Variants in OPRD1 observed in about 807,000 individuals in gnomAD.
The protein encoded by OPRD1 is opioid receptor delta 1.
In OPRD1, 19 loss-of-function variants were observed where a neutral mutation model predicts 17.5. The ratio of observed to expected loss-of-function variants is 1.09; its 90% CI spans 0.76 to 1.60. The LOEUF is 1.60. Among genes scored for constraint, OPRD1 ranks in the 40% most tolerant of loss-of-function variants. The pLI, the probability that OPRD1 is intolerant of heterozygous loss-of-function variation, is 0.00. For missense variants in OPRD1, 483 were observed against 547.2 expected (o/e 0.88, Z 1.17); for synonymous variants, 256 against 240.9 (o/e 1.06, Z -0.58).
In OPRD1 at chr1:28,859,092, G is replaced by A. The variant is rs2089086227; in HGVS notation, c.366G>A (p.Lys122=). Residue 122 remains lysine, a synonymous_variant, in exon 2 of 3, where the codon AAG becomes AAA. Coordinates refer to ENST00000234961, the MANE Select transcript of OPRD1 (RefSeq NM_000911.4). ...GGCCCTTCGGCGAGCTGCTCTGCAAGGCTGTGCTCTCCATCGACTACTACA... is the reference window on the plus strand; with the variant it reads ...GGCCCTTCGGCGAGCTGCTCTGCAAAGCTGTGCTCTCCATCGACTACTACA... The part of the protein sequence containing the change: ...ETWPFGELLC[K]AVLSIDYYNM... 1.9e-6 allele frequency: 3 copies of A among 1,614,240 alleles called. No homozygotes were observed. The highest frequency in any genetic ancestry group is 2.5e-6 in the Non-Finnish European group (3 of 1,180,050).
rs376718739 is a variant in OPRD1, at chr1:28,815,332, C to G, written c.227+2722C>G. Reference sequence around the variant, plus strand: ...TGTTGCCTAGGCTGGTGTCAAACTTCTGAGCTCAAGCAGTCCACCCGCCTC... The same window carrying G: ...TGTTGCCTAGGCTGGTGTCAAACTTGTGAGCTCAAGCAGTCCACCCGCCTC... On this transcript the variant is annotated intron_variant, in intron 1 of 2. Coordinates refer to ENST00000234961, the MANE Select transcript of OPRD1 (RefSeq NM_000911.4). Among the ~76,000 whole-genome samples, 18 of 152,280 alleles carry G rather than the reference C, an allele frequency of 1.2e-4. 1 individual carries two copies. In the East Asian group the frequency reaches 3.5e-3, roughly 29 times the overall value.
At chr1:28,837,731 C>T (rs2124272858) in intron 1 of OPRD1, among the ~76,000 whole-genome samples, 1 of 151,208 alleles carries the variant, frequency 6.6e-6, no homozygotes, top group South Asian at 2.1e-4. Flanking sequence ...ACCGTATTGC[C>T]CAGGCTGGTC....
chr1:28,867,003 CT>C lies in OPRD1; in HGVS notation c.*3736del, dbSNP rs11367439. On this transcript the variant is annotated 3_prime_UTR_variant, in exon 3 of 3. Coordinates refer to ENST00000234961, the MANE Select transcript of OPRD1 (RefSeq NM_000911.4). Reference sequence around the variant, plus strand: ...TTTCAGATCTCTTCTTCTTCATCATCTTTTTTTTTTTTTTTTCAGCCAGTGT... The same window carrying C: ...TTTCAGATCTCTTCTTCTTCATCATCTTTTTTTTTTTTTTTCAGCCAGTGT... The C allele has an allele frequency of 0.54, 72,523 of 134,088 alleles. 19,574 individuals carry two copies. The highest frequency in any genetic ancestry group is 0.75 in the East Asian group (3,410 of 4,520). The allele number at this position is 134,088 out of a possible 1,614,324, so 8.3% of individuals were successfully genotyped here.
intron 1 of OPRD1, among the ~76,000 whole-genome samples, chr1:28,818,083 G>T (rs2088684236): frequency 6.6e-6 from 1 of 152,210 alleles, no homozygotes; most frequent in Non-Finnish European, 1.5e-5. Context: ...AAGAGATCGA[G>T]CATGGAAAGG....
Position 28,826,116 on chromosome 1 carries a change from T to C in OPRD1, c.227+13506T>C, listed in dbSNP as rs948486105. Among the ~76,000 whole-genome samples the C allele has an allele frequency of 3.3e-5, 5 of 152,316 alleles. No individual in the cohort carries two copies. The East Asian group carries it at 9.6e-4, about 29-fold the overall frequency. On this transcript the variant is annotated intron_variant, in intron 1 of 2. Coordinates refer to ENST00000234961, the MANE Select transcript of OPRD1 (RefSeq NM_000911.4). ...GCATTGGGTGAGAGGGTGGCGGGGC[T>C]GCAGTTGTACAGGCATACCTCAGAG...
At chr1:28,818,706 C>T (rs562695607) in intron 1 of OPRD1, among the ~76,000 whole-genome samples, 20 of 152,216 alleles carry the variant, frequency 1.3e-4, no homozygotes, top group African/African-American at 4.3e-4. Flanking sequence ...TGGCTGGGCT[C>T]GGGAGCCACC....
intron 1 of OPRD1, among the ~76,000 whole-genome samples, chr1:28,829,090 C>G (rs1569615907): frequency 6.6e-6 from 1 of 151,794 alleles, no homozygotes; most frequent in Non-Finnish European, 1.5e-5. Context: ...TAGATGATAT[C>G]TTACTCCAAT....
chr1:28,852,758 C>T (rs1217186047), intron 1 of OPRD1, among the ~76,000 whole-genome samples: 1 of 151,432 alleles, frequency 6.6e-6, no homozygotes, highest in Non-Finnish European at 1.5e-5. Context: ...GCTTTTATTG[C>T]CCAGGCTGGA....
intron 1 of OPRD1, among the ~76,000 whole-genome samples, chr1:28,838,108 G>A (rs1258107409): frequency 6.6e-6 from 1 of 152,000 alleles, no homozygotes; most frequent in East Asian, 1.9e-4. Context: ...TGTGTCAGTT[G>A]TGTAAGCACT....
intron 1 of OPRD1, among the ~76,000 whole-genome samples, chr1:28,824,556 G>C (rs1468056659): frequency 6.6e-6 from 1 of 151,504 alleles, no homozygotes; most frequent in East Asian, 2.0e-4. Flanking sequence ...CTGACCTTGT[G>C]ATCCGCCCGC....
intron 1 of OPRD1, 30 bp from the exon 2 acceptor site, chr1:28,858,924 G>A: frequency 6.4e-7 from 1 of 1,562,464 alleles, no homozygotes; most frequent in Non-Finnish European, 8.7e-7. Context: ...CTGTGAAATG[G>A]GATTAATTAC....
chr1:28,851,347 G>C (rs1173869056), intron 1 of OPRD1, among the ~76,000 whole-genome samples: 1 of 152,176 alleles, frequency 6.6e-6, no homozygotes, highest in African/African-American at 2.4e-5. Flanking sequence ...TTCATCTCCA[G>C]TCAAAGAAAT....
chr1:28,830,359 C>T (rs549476369), intron 1 of OPRD1, among the ~76,000 whole-genome samples: 2 of 151,714 alleles, frequency 1.3e-5, no homozygotes, highest in South Asian at 2.1e-4. Flanking sequence ...TCCATCTCTA[C>T]AAAATGAAAA....
chr1:28,828,832 A>G (rs2088788438), intron 1 of OPRD1, among the ~76,000 whole-genome samples: 1 of 152,048 alleles, frequency 6.6e-6, no homozygotes, highest in Non-Finnish European at 1.5e-5. Flanking sequence ...TCTACTAAAA[A>G]TACAAAAATT....
intron 1 of OPRD1, among the ~76,000 whole-genome samples, chr1:28,829,651 G>T (rs1339898822): frequency 2.6e-5 from 4 of 151,962 alleles, no homozygotes; most frequent in Non-Finnish European, 4.4e-5. Context: ...TTACAGGCGT[G>T]AGCCACCGTG....
intron 1 of OPRD1, among the ~76,000 whole-genome samples, chr1:28,836,856 A>C (rs1396145575): frequency 7.9e-5 from 12 of 152,056 alleles, no homozygotes; most frequent in Non-Finnish European, 1.8e-4. Flanking sequence ...GCTATTTTTT[A>C]TAGCAGCGGT....
chr1:28,833,384 A>G (rs1187120602), intron 1 of OPRD1, among the ~76,000 whole-genome samples: 1 of 152,166 alleles, frequency 6.6e-6, no homozygotes, highest in African/African-American at 2.4e-5. Context: ...CACCAGTAGG[A>G]TATATTTCAG....
chr1:28,858,097 G>A (rs2089074246), intron 1 of OPRD1, among the ~76,000 whole-genome samples: 1 of 149,572 alleles, frequency 6.7e-6, no homozygotes, highest in African/African-American at 2.5e-5. Flanking sequence ...ACCCGGCCTA[G>A]GATTTTTCTT....
At chr1:28,824,854 C>T (rs1487344477) in intron 1 of OPRD1, among the ~76,000 whole-genome samples, 2 of 148,086 alleles carry the variant, frequency 1.4e-5, no homozygotes, top group Admixed American at 1.3e-4. Context: ...TTTTTTGAGA[C>T]GGAGTCTCGC....
Sources: gnomAD v4.1 joint callset for allele counts (sites outside exome capture counted in the v4.1 genomes callset) on GRCh38, gnomAD v4.1.1 for gene constraint, MANE v1.5 for transcripts, NCBI Gene and HGNC (gene_info 2026-07-23, HGNC 2026-07-21) for gene names.